The following NRSN2 variants were observed in gnomAD, a reference collection of about 807,000 sequenced individuals.
The protein encoded by NRSN2 is neurensin-2.
A neutral mutation model predicts 11.1 loss-of-function variants in NRSN2; 10 were observed. The observed-to-expected ratio is 0.90, with a 90% CI of 0.56 to 1.53. The LOEUF (loss-of-function observed/expected upper bound fraction) is 1.53, where lower values mean the gene tolerates loss of function less well. NRSN2 is among the 40% of genes most tolerant of loss of function. The pLI is 0.00. For synonymous variants in NRSN2, 100 were observed against 117.0 expected, an observed-to-expected ratio of 0.86 and a Z score of 0.94; for missense variants, 260 against 273.7, an observed-to-expected ratio of 0.95 and a Z score of 0.35.
At chr20:349,911 AAAG>A in intron 4 of NRSN2, 79 bp downstream of exon 4, 3 of 1,409,918 alleles carry the variant, frequency 2.1e-6, no homozygotes, top group Non-Finnish European at 2.9e-6. Flanking sequence ...TCAGAGGAAA[AAAG>A]AAGAGATAGC....
chr20:353,980 A>G lies in NRSN2; in HGVS notation c.*345A>G, dbSNP rs1472699909. 1 of 314,992 alleles carries G rather than the reference A, an allele frequency of 3.2e-6. No homozygotes were observed. Among genetic ancestry groups the G allele is most frequent in the Non-Finnish European group, 5.9e-6 (1 of 169,540 alleles). 19.5% of individuals were successfully genotyped at this position (314,992 alleles called of 1,614,324 possible). On this transcript the variant is annotated 3_prime_UTR_variant, in exon 5 of 5. Coordinates refer to ENST00000382285, the MANE Select transcript of NRSN2 (RefSeq NM_001323682.2). ...AGCCATCAGCTCCTGCCTCTCTGCC[A>G]TGAGGGCTTTGGATCAGATTCCTCT...
intron 4 of NRSN2, among the ~76,000 whole-genome samples, chr20:350,884 C>T (rs1206667634): frequency 6.6e-6 from 1 of 152,126 alleles, no homozygotes; most frequent in Non-Finnish European, 1.5e-5. Flanking sequence ...ATGGCCACTA[C>T]TGTGTGGACT....
intron 4 of NRSN2, among the ~76,000 whole-genome samples, chr20:352,646 T>C (rs2014059519): frequency 6.6e-6 from 1 of 152,198 alleles, no homozygotes; most frequent in Non-Finnish European, 1.5e-5. Context: ...TGCCGGCACG[T>C]GCTAGGCACA....
intron 4 of NRSN2, 47 bp downstream of exon 4, chr20:349,879 G>A (rs751003887): frequency 5.2e-6 from 8 of 1,549,646 alleles, no homozygotes; most frequent in Non-Finnish European, 8.8e-7. Context: ...CTTGATGGAG[G>A]AAATGAGTCT....
rs1906773207 is a variant in NRSN2 at position 353,885 on chromosome 20, A to C, written c.*250A>C. ...CCCTCTTCCCAAGGCCCTCAGGGGC[A>C]GAAAACATCTCCTTCAACCCGTCCC... On this transcript the variant is annotated 3_prime_UTR_variant, in exon 5 of 5. Coordinates refer to ENST00000382285, the MANE Select transcript of NRSN2 (RefSeq NM_001323682.2). 1 of 538,502 alleles carries C rather than the reference A, an allele frequency of 1.9e-6. No homozygotes were observed. Among genetic ancestry groups the C allele is most frequent in the Admixed American group, 3.7e-5 (1 of 27,072 alleles). 33.4% of individuals were successfully genotyped at this position (538,502 alleles called of 1,614,324 possible).
At chr20:351,900 C>T (rs1018395471) in intron 4 of NRSN2, among the ~76,000 whole-genome samples, 3 of 152,174 alleles carry the variant, frequency 2.0e-5, no homozygotes, top group African/African-American at 7.2e-5. Flanking sequence ...ACTCTGTGCC[C>T]ATTCATTCTT....
At chr20:348,282 C>G (rs1293225764) in intron 2 of NRSN2, 2 of 152,530 alleles carry the variant, frequency 1.3e-5, no homozygotes, top group African/African-American at 4.8e-5. Context: ...TCTCGCCCTC[C>G]TCCTCCGACG....
intron 4 of NRSN2, among the ~76,000 whole-genome samples, chr20:350,668 AAAAAAAAAG>A (rs58858705): frequency 0.04 from 4,349 of 109,760 alleles, 234 homozygotes; most frequent in African/African-American, 0.095. Flanking sequence ...AAAAAAAAAA[AAAAAAAAAG>A]AAAAAAGAAG....
intron 4 of NRSN2, among the ~76,000 whole-genome samples, chr20:352,988 G>A (rs1001573232): frequency 7.2e-5 from 11 of 152,124 alleles, no homozygotes; most frequent in African/African-American, 2.7e-4. Flanking sequence ...CCACTGCTAG[G>A]TGGGAGCTGG....
At position 354,039 on chromosome 20, in the gene NRSN2, T is replaced by G; in HGVS notation, c.*404T>G. On this transcript the variant is annotated 3_prime_UTR_variant, in exon 5 of 5. Coordinates refer to ENST00000382285, the MANE Select transcript of NRSN2 (RefSeq NM_001323682.2). ...GGATGAGGACACGCACTGCCCTCCA[T>G]AGACACAGATGAAGGGGTGGGGGTC... 1 of 204,504 alleles carries G rather than the reference T, an allele frequency of 4.9e-6. No homozygotes were observed. The allele number at this position is 204,504 out of a possible 1,614,324, so 12.7% of individuals were successfully genotyped here.
intron 4 of NRSN2, among the ~76,000 whole-genome samples, chr20:351,348 AACATAGTGAG>A (rs1474731119): frequency 6.6e-6 from 1 of 152,266 alleles, no homozygotes; most frequent in Non-Finnish European, 1.5e-5. Context: ...CAGCCTGGGC[AACATAGTGAG>A]ACTTCATCTC....
At position 353,286 on chromosome 20, in the gene NRSN2, A is replaced by G; in HGVS notation, c.266A>G (p.Lys89Arg). Residue 89 changes from lysine to arginine, a missense_variant, in exon 5 of 5, where the codon AAG (lysine) becomes AGG (arginine). Coordinates refer to ENST00000382285, the MANE Select transcript of NRSN2 (RefSeq NM_001323682.2). ...ALTTGYAVPPKLEGIGEGEFL... is the reference protein window; with the variant it reads ...ALTTGYAVPPRLEGIGEGEFL... The stretch of plus-strand genomic sequence containing the variant: ...ACCACTGGCTATGCAGTGCCCCCCA[A>G]GCTGGAGGGCATCGGTGAGGGTGAG... The G allele has an allele frequency of 1.2e-6, 2 of 1,614,024 alleles. No individual in the cohort carries two copies. The highest frequency in any genetic ancestry group is 1.7e-6 in the Non-Finnish European group (2 of 1,179,978).
Position 349,786 on chromosome 20 carries a change from C to G in NRSN2, c.143C>G (p.Pro48Arg). The G allele has an allele frequency of 6.2e-7, 1 of 1,613,556 alleles. No homozygotes were observed. Among genetic ancestry groups the G allele is most frequent in the South Asian group, 1.1e-5 (1 of 91,084 alleles). ...GCTCTCAGCGACGACCCTGAGGGAC[C>G]TCCGGTCCTGTGCCCCCGCCGGCCC... is the stretch of plus-strand genomic sequence containing the variant. ...GTALSDDPEG[P>R]PVLCPRRPWP... The change falls in exon 4 of 5, where the codon CCT (proline) becomes CGT (arginine). Residue 48 changes from proline to arginine, a missense_variant. By Grantham distance (103) the Pro-to-Arg change is moderately radical. Coordinates refer to ENST00000382285, the MANE Select transcript of NRSN2 (RefSeq NM_001323682.2).
At chr20:352,210 C>A (rs1342797831) in intron 4 of NRSN2, among the ~76,000 whole-genome samples, 1 of 152,130 alleles carries the variant, frequency 6.6e-6, no homozygotes. Flanking sequence ...TCTTTAACAG[C>A]CAAGGAGACT....
At position 353,270 on chromosome 20, in the gene NRSN2, T is replaced by C. The variant is rs2014122655; in HGVS notation, c.250T>C (p.Tyr84His). 2 of 1,613,920 alleles carry C rather than the reference T, an allele frequency of 1.2e-6. No individual in the cohort carries two copies. Among genetic ancestry groups the C allele is most frequent in the Non-Finnish European group, 1.7e-6 (2 of 1,180,018 alleles). The change falls in exon 5 of 5, where the codon TAT becomes CAT. Residue 84 changes from tyrosine to histidine, a missense_variant. Coordinates refer to ENST00000382285, the MANE Select transcript of NRSN2 (RefSeq NM_001323682.2). ...LLGVAALTTG[Y>H]AVPPKLEGIG... Reference sequence around the variant, plus strand: ...GGGTGTGGCGGCTCTGACCACTGGCTATGCAGTGCCCCCCAAGCTGGAGGG... The same window carrying C: ...GGGTGTGGCGGCTCTGACCACTGGCCATGCAGTGCCCCCCAAGCTGGAGGG...
chr20:349,104 C>G (rs1227441032), intron 2 of NRSN2, 145 bp from the exon 3 acceptor site: 1 of 152,190 alleles, frequency 6.6e-6, no homozygotes, highest in Non-Finnish European at 1.5e-5. Context: ...GGGTGAGGCT[C>G]TCTCATTCCA....
chr20:353,291 G>A lies in NRSN2; in HGVS notation c.271G>A (p.Glu91Lys). 6.2e-7 allele frequency: 1 copy of A among 1,614,108 alleles called. No individual in the cohort carries two copies. ...TGGCTATGCAGTGCCCCCCAAGCTG[G>A]AGGGCATCGGTGAGGGTGAGTTCCT... ...TTGYAVPPKLEGIGEGEFLVL... is the reference protein window; with the variant it reads ...TTGYAVPPKLKGIGEGEFLVL... The change falls in exon 5 of 5, where the codon GAG becomes AAG. Residue 91 changes from glutamate to lysine, a missense_variant. By Grantham distance (56) the Glu-to-Lys change is moderately conservative. Coordinates refer to ENST00000382285, the MANE Select transcript of NRSN2 (RefSeq NM_001323682.2).
chr20:347,824 G>C lies in NRSN2; in HGVS notation c.-122+312G>C, dbSNP rs1182691705. ...CTCCCCTCCCACCGAGCTCCTCCCGGCTCCCGGGCTGGGGACGCCTCCCTA... is the reference window on the plus strand; with the variant it reads ...CTCCCCTCCCACCGAGCTCCTCCCGCCTCCCGGGCTGGGGACGCCTCCCTA... On this transcript the variant is annotated intron_variant, in intron 2 of 4. Transcript: ENST00000382285. The surrounding 1 kb of genome is among the most constrained non-coding windows in gnomAD (Gnocchi z 7.0). 6.6e-6 allele frequency among the ~76,000 whole-genome samples: 1 copy of C among 151,846 alleles called. No homozygotes were observed. The highest frequency in any genetic ancestry group is 2.4e-5 in the African/African-American group (1 of 41,332).
intron 4 of NRSN2, among the ~76,000 whole-genome samples, chr20:350,863 A>T (rs139918876): frequency 6.6e-6 from 1 of 152,022 alleles, no homozygotes; most frequent in African/African-American, 2.4e-5. Context: ...CTCTCCCCAC[A>T]TGTTCCCCAA....
Sources: allele counts gnomAD v4.1 joint callset (sites outside exome capture counted in the v4.1 genomes callset), GRCh38; gene constraint gnomAD v4.1.1; non-coding constraint Gnocchi (gnomAD v3.1); transcripts MANE v1.5; gene names NCBI Gene and HGNC (gene_info 2026-07-23, HGNC 2026-07-21).